Variants in FSTL5 observed in about 807,000 individuals in gnomAD.
FSTL5 encodes the protein follistatin-related protein 5.
FSTL5 carries 62 observed loss-of-function variants against 89.1 expected under a neutral mutation model. The observed-to-expected ratio is 0.70, with a 90% CI of 0.57 to 0.86. FSTL5 has a LOEUF of 0.86. Among genes scored for constraint, FSTL5 ranks in the 40% least tolerant of loss-of-function variants. FSTL5 has a pLI of 0.00. For synonymous variants in FSTL5, 383 were observed against 346.2 expected (o/e 1.11, Z -1.18); for missense variants, 1,057 against 1,001.6 (o/e 1.06, Z -0.75).
At chr4:161,765,702 A>G (rs1740968785) in intron 5 of FSTL5, among the ~76,000 whole-genome samples, 1 of 152,214 alleles carries the variant, frequency 6.6e-6, no homozygotes, top group Non-Finnish European at 1.5e-5. Context: ...TACGTATAAC[A>G]TAATAATCTA....
At chr4:161,654,367 T>TA (rs34053184) in intron 7 of FSTL5, among the ~76,000 whole-genome samples, 50 of 151,826 alleles carry the variant, frequency 3.3e-4, no homozygotes, top group African/African-American at 1.1e-3. Flanking sequence ...TGGATGGCAG[T>TA]AAAAAAAAGA....
intron 4 of FSTL5, among the ~76,000 whole-genome samples, chr4:161,797,931 T>C (rs942217058): frequency 1.3e-5 from 2 of 151,680 alleles, no homozygotes; most frequent in Non-Finnish European, 3.0e-5. Flanking sequence ...ATCTTATCAG[T>C]TAATAAACCC....
chr4:161,728,331 G>A (rs1560812934), intron 6 of FSTL5, among the ~76,000 whole-genome samples: 1 of 152,124 alleles, frequency 6.6e-6, no homozygotes, highest in Non-Finnish European at 1.5e-5. Context: ...AATGTAGATG[G>A]AAACGGGGGC....
chr4:161,640,076 A>G (rs1056091444), intron 7 of FSTL5, among the ~76,000 whole-genome samples: 2 of 152,214 alleles, frequency 1.3e-5, no homozygotes, highest in African/African-American at 4.8e-5. Flanking sequence ...GAGAATGCAC[A>G]AGCTCAGAAA....
At chr4:161,523,353 T>C (rs1731100751) in intron 10 of FSTL5, among the ~76,000 whole-genome samples, 1 of 152,166 alleles carries the variant, frequency 6.6e-6, no homozygotes, top group Non-Finnish European at 1.5e-5. Context: ...AATGATGCTC[T>C]GTGAACCATA....
At chr4:161,973,689 A>G (rs555816985) in intron 3 of FSTL5, among the ~76,000 whole-genome samples, 2 of 152,334 alleles carry the variant, frequency 1.3e-5, no homozygotes, top group Admixed American at 6.5e-5. Context: ...GGAAAGTTAC[A>G]TCACTGAAGA....
rs148002659 is a variant in FSTL5, at chr4:161,939,892, CA to C, written c.161-19241del. ...TGTCAGAATAATCTTTAGATAGCTC[CA>C]AAAAACAGTCAAAACTGCTAACAAA... is the stretch of plus-strand genomic sequence containing the variant. On this transcript the variant is annotated intron_variant, in intron 3 of 15. Coordinates refer to ENST00000306100, the MANE Select transcript of FSTL5 (RefSeq NM_020116.5). 0.013 allele frequency among the ~76,000 whole-genome samples: 1,972 copies of C among 151,654 alleles called. 123 individuals carry two copies. In the East Asian group the frequency reaches 0.2, roughly 16 times the overall value.
chr4:161,422,118 T>C (rs1005210882), intron 15 of FSTL5, among the ~76,000 whole-genome samples: 14 of 152,036 alleles, frequency 9.2e-5, no homozygotes, highest in African/African-American at 3.1e-4. Context: ...ATATAGGTCA[T>C]AATATATATA....
intron 7 of FSTL5, among the ~76,000 whole-genome samples, chr4:161,648,205 T>C (rs1157603266): frequency 1.3e-5 from 2 of 152,178 alleles, no homozygotes; most frequent in Non-Finnish European, 2.9e-5. Context: ...AAGGGTCTAA[T>C]TGAGCTGGTT....
At chr4:161,913,110 A>C (rs1371023321) in intron 4 of FSTL5, among the ~76,000 whole-genome samples, 1 of 152,218 alleles carries the variant, frequency 6.6e-6, no homozygotes, top group African/African-American at 2.4e-5. Context: ...AGAGCATAAA[A>C]GTTCAAAAAA....
At chr4:161,474,544 G>GTTTTTT (rs147822987) in intron 13 of FSTL5, among the ~76,000 whole-genome samples, 4 of 121,844 alleles carry the variant, frequency 3.3e-5, no homozygotes, top group Non-Finnish European at 5.1e-5. Flanking sequence ...ATTGTGTAGT[G>GTTTTTT]GTTTTTTTTT....
At chr4:161,630,298 C>T (rs2126655129) in intron 7 of FSTL5, among the ~76,000 whole-genome samples, 1 of 152,292 alleles carries the variant, frequency 6.6e-6, no homozygotes, top group Non-Finnish European at 1.5e-5. Context: ...CATTTAGCCT[C>T]TGGCTCATAT....
chr4:162,047,999 GC>G (rs1738251506), intron 2 of FSTL5, among the ~76,000 whole-genome samples: 2 of 152,202 alleles, frequency 1.3e-5, no homozygotes, highest in African/African-American at 4.8e-5. Flanking sequence ...AGTTGAGTGA[GC>G]CTGGAGCATT....
chr4:161,496,603 T>C (rs1730080394), intron 12 of FSTL5, among the ~76,000 whole-genome samples: 1 of 152,166 alleles, frequency 6.6e-6, no homozygotes, highest in African/African-American at 2.4e-5. Flanking sequence ...TCAACTCCTG[T>C]GTAGGTTTCC....
chr4:161,405,225 C>T (rs1038112156), intron 15 of FSTL5, among the ~76,000 whole-genome samples: 1 of 148,242 alleles, frequency 6.7e-6, no homozygotes, highest in Non-Finnish European at 1.5e-5. Flanking sequence ...AAGAGTGAAA[C>T]TTTGTCTCAA....
At chr4:161,415,634 T>G (rs72681774) in intron 15 of FSTL5, among the ~76,000 whole-genome samples, 7,088 of 151,196 alleles carry the variant, frequency 0.047, 424 homozygotes, top group East Asian at 0.19. Context: ...AAAAGAGATA[T>G]GTTGTATTAT....
chr4:161,964,826 T>C (rs1324115143), intron 3 of FSTL5, among the ~76,000 whole-genome samples: 1 of 152,046 alleles, frequency 6.6e-6, no homozygotes, highest in East Asian at 1.9e-4. Context: ...GAATAAAACA[T>C]TTTCTAATTT....
intron 2 of FSTL5, among the ~76,000 whole-genome samples, chr4:162,082,217 T>C (rs1322128454): frequency 6.6e-6 from 1 of 151,012 alleles, no homozygotes; most frequent in Non-Finnish European, 1.5e-5. Context: ...ATTTCCACTT[T>C]CATTTGGTTT....
At position 162,093,851 on chromosome 4, in the gene FSTL5, T is replaced by C. The variant is rs28728146; in HGVS notation, c.126+17420A>G. Among the ~76,000 whole-genome samples the C allele has an allele frequency of 4.6e-3, 707 of 152,182 alleles. 8 individuals carry two copies. Among genetic ancestry groups the C allele is most frequent in the African/African-American group, 0.016 (660 of 41,568 alleles). On this transcript the variant is annotated intron_variant, in intron 2 of 15. Transcript: ENST00000306100. ...TTATAAACCATTCAAAAAAGAACTT[T>C]ATAGGAAATTTTAGAGAGTCAATAT...
Sources: allele counts gnomAD v4.1 joint callset (sites outside exome capture counted in the v4.1 genomes callset), GRCh38; gene constraint gnomAD v4.1.1; transcripts MANE v1.5; gene names NCBI Gene and HGNC (gene_info 2026-07-23, HGNC 2026-07-21).